The following GRID1 variants were observed in gnomAD, a reference collection of about 807,000 sequenced individuals.
GRID1 encodes the protein glutamate ionotropic receptor delta type subunit 1, also known as glutamate receptor ionotropic, delta-1.
A neutral mutation model predicts 98.0 loss-of-function variants in GRID1; 28 were observed. The observed-to-expected ratio is 0.29, with a 90% CI of 0.21 to 0.39. GRID1 has a LOEUF of 0.39. Ranked by LOEUF, GRID1 falls within the 10% of genes least tolerant of loss-of-function variation. GRID1 has a pLI of 1.00. For missense variants in GRID1, 1,111 were observed against 1,340.5 expected (o/e 0.83, Z 2.67); for synonymous variants, 553 against 538.5 (o/e 1.03, Z -0.37).
intron 4 of GRID1, among the ~76,000 whole-genome samples, chr10:86,110,272 C>G (rs569695770): frequency 1.3e-5 from 2 of 152,324 alleles, no homozygotes; most frequent in African/African-American, 4.8e-5. Context: ...CCGCCCCCGG[C>G]CTTCCATTCT....
At chr10:85,711,230 T>G (rs1841578735) in intron 12 of GRID1, among the ~76,000 whole-genome samples, 1 of 151,990 alleles carries the variant, frequency 6.6e-6, no homozygotes, top group Non-Finnish European at 1.5e-5. Context: ...AATCCAAGAT[T>G]CCACTGATAG....
chr10:85,983,003 A>G (rs1305945587), intron 4 of GRID1, among the ~76,000 whole-genome samples: 1 of 152,214 alleles, frequency 6.6e-6, no homozygotes, highest in Non-Finnish European at 1.5e-5. Context: ...ATTTCCTCTC[A>G]AGACCCTCTA....
intron 12 of GRID1, among the ~76,000 whole-genome samples, chr10:85,710,134 G>A (rs549417704): frequency 3.9e-4 from 59 of 152,046 alleles, no homozygotes; most frequent in African/African-American, 1.4e-3. Flanking sequence ...ACTAAAATTG[G>A]TACAAGATTT....
intron 8 of GRID1, among the ~76,000 whole-genome samples, chr10:85,842,136 A>G (rs1340271434): frequency 2.0e-5 from 3 of 152,168 alleles, no homozygotes; most frequent in Non-Finnish European, 2.9e-5. Context: ...CTAGAATACT[A>G]TGCAGCCACA....
chr10:85,940,087 AAG>A (rs1264419943), intron 4 of GRID1, among the ~76,000 whole-genome samples: 3 of 137,334 alleles, frequency 2.2e-5, no homozygotes, highest in East Asian at 2.1e-4. Context: ...AAAAAAAAAA[AAG>A]AGAGAGAGAG....
Position 85,904,394 on chromosome 10 carries a change from G to A in GRID1, c.780+11792C>T, listed in dbSNP as rs184371926. The stretch of plus-strand genomic sequence containing the variant: ...CAGTGCAGGTGGGGAGAGGAAGCAT[G>A]CAGAACCCAGTGGACTCCATGTGTT... On this transcript the variant is annotated intron_variant, in intron 5 of 15. Transcript: ENST00000327946. Among the ~76,000 whole-genome samples the A allele has an allele frequency of 3.9e-5, 6 of 152,280 alleles. No homozygotes were observed. The East Asian group carries it at 1.2e-3, about 29-fold the overall frequency.
At chr10:86,089,765 A>C (rs1354970765) in intron 4 of GRID1, among the ~76,000 whole-genome samples, 1 of 151,186 alleles carries the variant, frequency 6.6e-6, no homozygotes, top group Non-Finnish European at 1.5e-5. Flanking sequence ...TTTTTTTTTG[A>C]GACGGAGTCT....
At chr10:86,157,817 G>T (rs896371649) in intron 3 of GRID1, among the ~76,000 whole-genome samples, 1 of 152,180 alleles carries the variant, frequency 6.6e-6, no homozygotes, top group Non-Finnish European at 1.5e-5. Context: ...AGTCAGTGAA[G>T]GTGTTGTCAG....
intron 12 of GRID1, among the ~76,000 whole-genome samples, chr10:85,665,743 C>G (rs542911051): frequency 6.6e-6 from 1 of 152,162 alleles, no homozygotes; most frequent in Admixed American, 6.5e-5. Flanking sequence ...TCTCTCCCTT[C>G]GTGATATAAA....
At chr10:86,108,357 C>T (rs570837110) in intron 4 of GRID1, among the ~76,000 whole-genome samples, 64 of 152,098 alleles carry the variant, frequency 4.2e-4, no homozygotes, top group Non-Finnish European at 7.6e-4. Context: ...GGGGATTCGA[C>T]AAGATAAACA....
chr10:86,294,914 C>T (rs1327480762), intron 2 of GRID1, among the ~76,000 whole-genome samples: 1 of 152,172 alleles, frequency 6.6e-6, no homozygotes, highest in Non-Finnish European at 1.5e-5. Context: ...GCACCCGCCA[C>T]AGAGCCAGGA....
chr10:86,173,290 C>T (rs1054311515), intron 3 of GRID1, among the ~76,000 whole-genome samples: 2 of 152,208 alleles, frequency 1.3e-5, no homozygotes, highest in Non-Finnish European at 2.9e-5. Flanking sequence ...CCTCCTGCCT[C>T]GGCCTTCCAA....
intron 8 of GRID1, among the ~76,000 whole-genome samples, chr10:85,745,816 A>G (rs1302167342): frequency 6.6e-6 from 1 of 152,144 alleles, no homozygotes; most frequent in Non-Finnish European, 1.5e-5. Context: ...AGACATTTAG[A>G]TCCCTGAAGT....
At chr10:85,831,854 TA>T (rs1208165105) in intron 8 of GRID1, among the ~76,000 whole-genome samples, 1 of 150,200 alleles carries the variant, frequency 6.7e-6, no homozygotes, top group Non-Finnish European at 1.5e-5. Flanking sequence ...GAAAGAAAAA[TA>T]AACACAAAAA....
chr10:85,748,053 G>A (rs1185384138), intron 8 of GRID1, among the ~76,000 whole-genome samples: 1 of 152,106 alleles, frequency 6.6e-6, no homozygotes, highest in African/African-American at 2.4e-5. Flanking sequence ...CTGTGTTCAG[G>A]GAAATGAGTC....
chr10:86,173,228 A>G (rs548956704), intron 3 of GRID1, among the ~76,000 whole-genome samples: 11 of 152,228 alleles, frequency 7.2e-5, no homozygotes, highest in African/African-American at 2.4e-4. Flanking sequence ...TTGTAGACAC[A>G]GGGTCTTGCT....
intron 13 of GRID1, among the ~76,000 whole-genome samples, chr10:85,634,112 G>A (rs368892690): frequency 1.8e-4 from 27 of 151,734 alleles, no homozygotes; most frequent in African/African-American, 5.3e-4. Flanking sequence ...CGGAGGTGGC[G>A]GTGAGCCAAG....
At chr10:86,184,467 T>C (rs1026977151) in intron 3 of GRID1, among the ~76,000 whole-genome samples, 4 of 150,246 alleles carry the variant, frequency 2.7e-5, no homozygotes, top group East Asian at 1.9e-4. Context: ...TTTTCTTTTT[T>C]TTTTTTTTTT....
chr10:85,953,042 C>A (rs193165349), intron 4 of GRID1, among the ~76,000 whole-genome samples: 139 of 152,102 alleles, frequency 9.1e-4, no homozygotes, highest in African/African-American at 3.2e-3. Flanking sequence ...ATATGTATAA[C>A]AAACACAGTA....
Sources: gnomAD v4.1 joint callset for allele counts (sites outside exome capture counted in the v4.1 genomes callset) on GRCh38, gnomAD v4.1.1 for gene constraint, MANE v1.5 for transcripts, NCBI Gene and HGNC (gene_info 2026-07-23, HGNC 2026-07-21) for gene names.